Variants in UFD1 observed in about 807,000 individuals in gnomAD.
UFD1 encodes the protein ubiquitin recognition factor in ER-associated degradation protein 1.
In UFD1, 13 loss-of-function variants were observed where a neutral mutation model predicts 45.9. That is an observed-to-expected ratio of 0.28 (90% confidence interval 0.18 to 0.45). The LOEUF is 0.45. Among genes scored for constraint, UFD1 ranks in the 20% least tolerant of loss-of-function variants. The pLI, the probability that UFD1 is intolerant of heterozygous loss-of-function variation, is 1.00. For missense variants in UFD1, 218 were observed against 389.2 expected, an observed-to-expected ratio of 0.56 and a Z score of 3.70; for synonymous variants, 128 against 139.2, an observed-to-expected ratio of 0.92 and a Z score of 0.56.
At chr22:19,457,920 T>G in intron 7 of UFD1, 151 bp downstream of exon 7, 1 of 743,760 alleles carries the variant, frequency 1.3e-6, no homozygotes, top group Non-Finnish European at 2.3e-6. Context: ...AAGGTCACAG[T>G]CTCCTCATGA....
intron 6 of UFD1, among the ~76,000 whole-genome samples, chr22:19,464,248 C>T (rs187726694): frequency 4.2e-4 from 64 of 152,330 alleles, no homozygotes; most frequent in Admixed American, 1.2e-3. Flanking sequence ...GCCCAGTCCC[C>T]GAAGGGACCA....
intron 11 of UFD1, chr22:19,450,962 C>T (rs2089677081): frequency 3.3e-6 from 4 of 1,209,432 alleles, no homozygotes; most frequent in Non-Finnish European, 4.3e-6. Flanking sequence ...ATAGTGAGAT[C>T]CCATCTCTAC....
chr22:19,459,423 G>A (rs922152310), intron 6 of UFD1, among the ~76,000 whole-genome samples: 1 of 152,148 alleles, frequency 6.6e-6, no homozygotes, highest in African/African-American at 2.4e-5. Context: ...GACCATCCTT[G>A]CTAACATGGT....
At chr22:19,477,308 T>C (rs887701361) in intron 1 of UFD1, among the ~76,000 whole-genome samples, 1 of 152,212 alleles carries the variant, frequency 6.6e-6, no homozygotes, top group African/African-American at 2.4e-5. Flanking sequence ...CAATGACAGA[T>C]GAATGAATAA....
In UFD1 at chr22:19,479,073, C is replaced by G. The variant is rs760958828; in HGVS notation, c.3+10G>C. ...GGCCCAGCCCCCGCCCGCTGCCCGT[C>G]AGCGCTTACCATGATGGACACCACC... On this transcript the variant is annotated intron_variant, in intron 1 of 11. Transcript: ENST00000263202. The G allele has an allele frequency of 3.1e-6, 5 of 1,611,078 alleles. No individual in the cohort carries two copies. The highest frequency in any genetic ancestry group is 4.2e-6 in the Non-Finnish European group (5 of 1,179,158).
intron 6 of UFD1, among the ~76,000 whole-genome samples, chr22:19,463,361 A>G (rs1404153155): frequency 2.0e-5 from 3 of 152,172 alleles, no homozygotes; most frequent in Admixed American, 6.5e-5. Context: ...CTTTCTGGTT[A>G]TTTTTGATAG....
At chr22:19,475,865 A>T (rs1055579165) in intron 1 of UFD1, among the ~76,000 whole-genome samples, 3 of 152,188 alleles carry the variant, frequency 2.0e-5, no homozygotes, top group Admixed American at 1.3e-4. Context: ...ACAGCCCCAC[A>T]GACTCCTGCC....
At chr22:19,458,175 C>T (rs2089737913) in intron 6 of UFD1, 36 bp from the exon 7 acceptor site, 1 of 1,612,204 alleles carries the variant, frequency 6.2e-7, no homozygotes, top group Non-Finnish European at 8.5e-7. Flanking sequence ...TGGATGGTTT[C>T]CTGGCAGCAC....
At position 19,451,142 on chromosome 22, in the gene UFD1, A is replaced by T. The variant is rs867557583; in HGVS notation, c.850-398T>A. 91 of 988,108 alleles carry T rather than the reference A, an allele frequency of 9.2e-5. No individual in the cohort carries two copies. In the South Asian group the frequency reaches 1.0e-3, roughly 11 times the overall value. The allele number at this position is 988,108 out of a possible 1,614,324, so 61.2% of individuals were successfully genotyped here. A position where few individuals can be genotyped will look rare whatever the true frequency, so the allele number is the denominator to read the frequency against. ...CCTCAAAAAAAAAAAAAAAAAAAAA[A>T]GTCTGTAAGTTCATCACCCAAAAAC... On this transcript the variant is annotated intron_variant, in intron 11 of 11. Transcript: ENST00000263202.
intron 3 of UFD1, among the ~76,000 whole-genome samples, chr22:19,473,756 C>G (rs1211539789): frequency 6.6e-6 from 1 of 152,136 alleles, no homozygotes; most frequent in East Asian, 1.9e-4. Context: ...CTGTAGATAT[C>G]CCCAATTAAA....
chr22:19,456,220 T>C (rs1343203703), intron 9 of UFD1, among the ~76,000 whole-genome samples: 2 of 152,162 alleles, frequency 1.3e-5, no homozygotes, highest in African/African-American at 4.8e-5. Flanking sequence ...AGGGTCATGT[T>C]TGCAACCTAC....
chr22:19,459,769 C>T (rs1464924835), intron 6 of UFD1, among the ~76,000 whole-genome samples: 2 of 134,836 alleles, frequency 1.5e-5, no homozygotes, highest in African/African-American at 5.5e-5. Context: ...GATGGAGGCT[C>T]GCTCTGGCAC....
At chr22:19,456,736 A>G (rs1601888261) in intron 8 of UFD1, 102 bp from the exon 9 acceptor site, 3 of 1,611,550 alleles carry the variant, frequency 1.9e-6, no homozygotes, top group Non-Finnish European at 2.5e-6. Context: ...GCATGGCTGG[A>G]AGGGACGCAG....
At chr22:19,460,623 G>A (rs1309121276) in intron 6 of UFD1, among the ~76,000 whole-genome samples, 1 of 151,794 alleles carries the variant, frequency 6.6e-6, no homozygotes. Flanking sequence ...CACACCAGAC[G>A]CCCAGAGCTC....
chr22:19,473,974 G>C (rs929665745), intron 3 of UFD1, among the ~76,000 whole-genome samples: 3 of 152,162 alleles, frequency 2.0e-5, no homozygotes, highest in Non-Finnish European at 4.4e-5. Flanking sequence ...CACTCTTTAA[G>C]TCTGGAAGGC....
intron 4 of UFD1, chr22:19,469,976 T>A (rs1568900953): frequency 1.9e-6 from 1 of 518,436 alleles, no homozygotes; most frequent in East Asian, 5.4e-5. Context: ...ATCCCCAGCA[T>A]CACCACCTCC....
Position 19,451,645 on chromosome 22 carries a change from AC to A in UFD1, c.850-902del, listed in dbSNP as rs2089683731. ...CACACATCCCTGCACCTGGCTCCCC[AC>A]TAACTGTAGCATGTTATACCTGCAA... On this transcript the variant is annotated intron_variant, in intron 11 of 11. Transcript: ENST00000263202. 4 of 985,350 alleles carry A rather than the reference AC, an allele frequency of 4.1e-6. No individual in the cohort carries two copies. The African/African-American group carries it at 7.0e-5, about 17-fold the overall frequency. 61.0% of individuals were successfully genotyped at this position (985,350 alleles called of 1,614,324 possible).
intron 7 of UFD1, among the ~76,000 whole-genome samples, chr22:19,457,162 T>C (rs1459978816): frequency 1.3e-5 from 2 of 152,190 alleles, no homozygotes; most frequent in Non-Finnish European, 2.9e-5. Flanking sequence ...CAGTTTTACA[T>C]GTTTTTGTTC....
intron 11 of UFD1, chr22:19,451,279 T>G: frequency 1.0e-6 from 1 of 985,638 alleles, no homozygotes; most frequent in Non-Finnish European, 1.2e-6. Flanking sequence ...CAGAACTGAA[T>G]TCTGTAAAAA....
Sources: gnomAD v4.1 joint callset for allele counts (sites outside exome capture counted in the v4.1 genomes callset) on GRCh38, gnomAD v4.1.1 for gene constraint, MANE v1.5 for transcripts, NCBI Gene and HGNC (gene_info 2026-07-23, HGNC 2026-07-21) for gene names.